The following VPS53 variants were observed in gnomAD, a reference collection of about 807,000 sequenced individuals.
VPS53 encodes VPS53 subunit of GARP complex, also known as vacuolar protein sorting-associated protein 53 homolog.
In VPS53, 70 loss-of-function variants were observed where a neutral mutation model predicts 107.0. That is an observed-to-expected ratio of 0.65 (90% CI 0.54 to 0.80). The LOEUF (loss-of-function observed/expected upper bound fraction) is 0.80, where lower values mean the gene tolerates loss of function less well. VPS53 is among the 30% of genes least tolerant of loss of function. The pLI, the probability that VPS53 is intolerant of heterozygous loss-of-function variation, is 0.00. For missense variants in VPS53, 917 were observed against 1,049.4 expected (o/e 0.87, Z 1.74); for synonymous variants, 409 against 393.3 (o/e 1.04, Z -0.47).
At chr17:586,933 G>A (rs771625107) in intron 12 of VPS53, among the ~76,000 whole-genome samples, 52 of 151,964 alleles carry the variant, frequency 3.4e-4, no homozygotes, top group Non-Finnish European at 6.3e-4. Flanking sequence ...ATGGTTCCCA[G>A]AATTTTTTGA....
intron 4 of VPS53, among the ~76,000 whole-genome samples, chr17:688,217 C>T (rs960104595): frequency 2.0e-5 from 3 of 152,160 alleles, no homozygotes; most frequent in African/African-American, 7.2e-5. Flanking sequence ...CACTGAACCA[C>T]GGGGTGGTTT....
At chr17:630,922 T>G (rs1046732205) in intron 8 of VPS53, among the ~76,000 whole-genome samples, 1 of 152,138 alleles carries the variant, frequency 6.6e-6, no homozygotes, top group East Asian at 1.9e-4. Context: ...GGCGCTAAGA[T>G]GGCATCTGCT....
chr17:707,972 C>G (rs534518475), intron 2 of VPS53, among the ~76,000 whole-genome samples: 1 of 152,268 alleles, frequency 6.6e-6, no homozygotes, highest in South Asian at 2.1e-4. Context: ...CCTCCTCAGC[C>G]TCATCTCCTG....
chr17:636,828 A>G (rs959548793), intron 7 of VPS53, among the ~76,000 whole-genome samples: 1 of 152,236 alleles, frequency 6.6e-6, no homozygotes, highest in Non-Finnish European at 1.5e-5. Context: ...CCAGTATTTT[A>G]CTGAGGATTT....
chr17:563,422 T>C (rs368648505), intron 13 of VPS53, among the ~76,000 whole-genome samples: 5 of 150,804 alleles, frequency 3.3e-5, no homozygotes, highest in African/African-American at 1.2e-4. Context: ...CAGCCTCCCA[T>C]GTAGCTGGGA....
intron 13 of VPS53, among the ~76,000 whole-genome samples, chr17:579,628 C>T (rs760854515): frequency 6.7e-5 from 10 of 150,018 alleles, no homozygotes; most frequent in African/African-American, 2.0e-4. Flanking sequence ...TAATGCATTC[C>T]GAGAGAACTT....
chr17:606,094 A>T (rs1173277458), intron 11 of VPS53, among the ~76,000 whole-genome samples: 1 of 152,102 alleles, frequency 6.6e-6, no homozygotes, highest in African/African-American at 2.4e-5. Flanking sequence ...AACTGGACTA[A>T]GCTGGTGATG....
intron 5 of VPS53, among the ~76,000 whole-genome samples, chr17:658,863 G>C (rs900030722): frequency 1.3e-5 from 2 of 152,116 alleles, no homozygotes; most frequent in African/African-American, 2.4e-5. Context: ...TGCTCTTTCA[G>C]GGTCTGATCA....
intron 4 of VPS53, among the ~76,000 whole-genome samples, chr17:666,281 G>GA (rs1320206779): frequency 6.6e-6 from 1 of 152,172 alleles, no homozygotes. Context: ...AGTGACATGA[G>GA]AAAAAATCAG....
Position 519,445 on chromosome 17 carries a change from A to T in VPS53, c.2329-147T>A, listed in dbSNP as rs1375311409. ...TGAGGATGAACCGTTTCCTCAAGGG[A>T]CTCACCATCCCCTGGGTAGTAGCGT... On this transcript the variant is annotated intron_variant, in intron 21 of 21. Coordinates refer to ENST00000437048, the MANE Select transcript of VPS53 (RefSeq NM_001128159.3). The surrounding 1 kb of genome is among the most constrained non-coding windows in gnomAD (Gnocchi z 5.0). The T allele has an allele frequency of 1.2e-6, 1 of 818,806 alleles. No individual in the cohort carries two copies. The allele number at this position is 818,806 out of a possible 1,614,324, so 50.7% of individuals were successfully genotyped here.
chr17:546,920 G>C (rs1276656767), intron 17 of VPS53, among the ~76,000 whole-genome samples: 2 of 134,606 alleles, frequency 1.5e-5, no homozygotes, highest in Non-Finnish European at 3.0e-5. Context: ...TGTCACCCAG[G>C]CTGGAGTGCA....
At chr17:704,068 T>A (rs993823063) in intron 2 of VPS53, among the ~76,000 whole-genome samples, 1 of 152,178 alleles carries the variant, frequency 6.6e-6, no homozygotes, top group Non-Finnish European at 1.5e-5. Context: ...ATATAACTCT[T>A]TTCTCAAAGT....
At chr17:566,190 C>T (rs1170385938) in intron 13 of VPS53, among the ~76,000 whole-genome samples, 29 of 136,936 alleles carry the variant, frequency 2.1e-4, no homozygotes, top group Non-Finnish European at 4.3e-4. Context: ...GGCGACAGAG[C>T]GAGACTCCGT....
chr17:623,695 A>T, intron 10 of VPS53, 21 bp from the exon 11 acceptor site: 1 of 1,597,594 alleles, frequency 6.3e-7, no homozygotes, highest in Non-Finnish European at 8.6e-7. Context: ...AAGAGATAAG[A>T]ATACTATCAA....
intron 17 of VPS53, among the ~76,000 whole-genome samples, chr17:543,723 T>C (rs1910885538): frequency 6.7e-6 from 1 of 149,816 alleles, no homozygotes; most frequent in South Asian, 2.1e-4. Context: ...TCAGGAGAAC[T>C]AGTTTTACTT....
chr17:613,110 A>G (rs1968970932), intron 11 of VPS53, among the ~76,000 whole-genome samples: 1 of 150,348 alleles, frequency 6.7e-6, no homozygotes, highest in Admixed American at 6.6e-5. Flanking sequence ...ACCTGTACAG[A>G]TATTCACAGC....
Position 656,687 on chromosome 17 carries a change from T to C in VPS53, c.373-734A>G, listed in dbSNP as rs986713651. 3 of 601,310 alleles carry C rather than the reference T, an allele frequency of 5.0e-6. No individual in the cohort carries two copies. In the East Asian group the frequency reaches 9.2e-5, roughly 18 times the overall value. 37.2% of individuals were successfully genotyped at this position (601,310 alleles called of 1,614,324 possible). Reference sequence around the variant, plus strand: ...ATCATCCACTGTGTTTCTTGGTCCATGCTGACTAAGAAATGTGTGTGTGTG... The same window carrying C: ...ATCATCCACTGTGTTTCTTGGTCCACGCTGACTAAGAAATGTGTGTGTGTG... On this transcript the variant is annotated intron_variant, in intron 5 of 21. Coordinates refer to ENST00000437048, the MANE Select transcript of VPS53 (RefSeq NM_001128159.3).
At chr17:606,776 G>A (rs949404952) in intron 11 of VPS53, among the ~76,000 whole-genome samples, 1 of 152,084 alleles carries the variant, frequency 6.6e-6, no homozygotes, top group Non-Finnish European at 1.5e-5. Context: ...GAGAGGTCTA[G>A]GTTGCACACT....
chr17:601,045 G>A (rs1026557493), intron 12 of VPS53: 3 of 152,192 alleles, frequency 2.0e-5, no homozygotes, highest in Non-Finnish European at 2.9e-5. Flanking sequence ...TCTCAGAGCT[G>A]GTCCTCCCAG....
Sources: allele counts gnomAD v4.1 joint callset (sites outside exome capture counted in the v4.1 genomes callset), GRCh38; gene constraint gnomAD v4.1.1; non-coding constraint Gnocchi (gnomAD v3.1); transcripts MANE v1.5; gene names NCBI Gene and HGNC (gene_info 2026-07-23, HGNC 2026-07-21).